Variants in DAB1 observed in about 807,000 individuals in gnomAD.
DAB1 encodes disabled homolog 1.
Under a neutral mutation model 64.6 loss-of-function variants are expected in DAB1, and 15 were observed. The ratio of observed to expected loss-of-function variants is 0.23; its 90% CI spans 0.16 to 0.36. The LOEUF (loss-of-function observed/expected upper bound fraction) is 0.36, where lower values mean the gene tolerates loss of function less well. DAB1 is among the 10% of genes least tolerant of loss of function. The pLI is 1.00. For missense variants in DAB1, 596 were observed against 706.7 expected, an observed-to-expected ratio of 0.84 and a Z score of 1.78; for synonymous variants, 235 against 251.9, an observed-to-expected ratio of 0.93 and a Z score of 0.64.
chr1:57,933,259 T>G (rs553866336), intron 5 of DAB1, among the ~76,000 whole-genome samples: 1 of 152,368 alleles, frequency 6.6e-6, no homozygotes, highest in South Asian at 2.1e-4. Context: ...TGCAATTCTC[T>G]GCATTTGCCT....
intron 3 of DAB1, among the ~76,000 whole-genome samples, chr1:58,382,248 T>C (rs1356625063): frequency 1.3e-5 from 2 of 152,118 alleles, no homozygotes; most frequent in Non-Finnish European, 2.9e-5. Flanking sequence ...GCTTGGTCTT[T>C]CCTACTGTAA....
intron 1 of DAB1, among the ~76,000 whole-genome samples, chr1:57,343,077 G>A (rs1465959077): frequency 3.3e-5 from 5 of 151,856 alleles, no homozygotes; most frequent in African/African-American, 1.2e-4. Context: ...AGAGTCCAGT[G>A]GTCTGTTTTG....
At chr1:58,349,679 A>G (rs1051538880) in intron 3 of DAB1, among the ~76,000 whole-genome samples, 5 of 151,536 alleles carry the variant, frequency 3.3e-5, no homozygotes, top group African/African-American at 9.7e-5. Flanking sequence ...TCATTGCTCA[A>G]CTCCCACTTA....
intron 7 of DAB1, among the ~76,000 whole-genome samples, chr1:57,577,110 T>C (rs1645259546): frequency 6.6e-6 from 1 of 152,222 alleles, no homozygotes; most frequent in Non-Finnish European, 1.5e-5. Context: ...GAGTCTGTAA[T>C]GCTCGGGAAA....
chr1:57,904,740 T>C (rs74492907), intron 5 of DAB1, among the ~76,000 whole-genome samples: 6,553 of 152,090 alleles, frequency 0.043, 494 homozygotes, highest in African/African-American at 0.15. Flanking sequence ...GAGCTTGAAA[T>C]GTCAAAGGAT....
Position 58,006,869 on chromosome 1 carries a change from C to T in DAB1, n.388-122707G>A, listed in dbSNP as rs571268372. Among the ~76,000 whole-genome samples, 10 of 152,336 alleles carry T rather than the reference C, an allele frequency of 6.6e-5. No individual in the cohort carries two copies. In the East Asian group the frequency reaches 1.5e-3, roughly 24 times the overall value. ...ATAGTTGCTCTTGTGCATTGTTATG[C>T]AAATGCTACACAAATTGGAGTCTTA... On this transcript the variant is annotated intron_variant and non_coding_transcript_variant, in intron 5 of 20. Coordinates refer to the DAB1 transcript ENST00000485760.
intron 4 of DAB1, among the ~76,000 whole-genome samples, chr1:58,152,723 T>A (rs983806904): frequency 6.6e-6 from 1 of 152,218 alleles, no homozygotes; most frequent in African/African-American, 2.4e-5. Flanking sequence ...GCAATGACCA[T>A]GAAAGAAAAT....
Position 58,219,025 on chromosome 1 carries a change from C to CTCTCTGTGTG in DAB1, n.310-68438_310-68437insCACACAGAGA, listed in dbSNP as rs376130413. Among the ~76,000 whole-genome samples, 377 of 129,538 alleles carry CTCTCTGTGTG rather than the reference C, an allele frequency of 2.9e-3. 2 individuals carry two copies. The highest frequency in any genetic ancestry group is 5.9e-3 in the African/African-American group (188 of 32,014). The allele number at this position is 129,538 out of a possible 152,430, so 85.0% of individuals were successfully genotyped here. A position where few individuals can be genotyped will look rare whatever the true frequency, so the allele number is the denominator to read the frequency against. ...TCTCTCTCTCTCTCTCTCTCTCTCT[C>CTCTCTGTGTG]TGTGTGTGTGTGTGTGTGTTTCAAT... On this transcript the variant is annotated intron_variant and non_coding_transcript_variant, in intron 4 of 20. Coordinates refer to the DAB1 transcript ENST00000485760.
chr1:57,744,204 G>C (rs1181567298), intron 6 of DAB1, among the ~76,000 whole-genome samples: 1 of 152,180 alleles, frequency 6.6e-6, no homozygotes, highest in Non-Finnish European at 1.5e-5. Context: ...GGCAACTTCG[G>C]AAGGCTGTTG....
intron 1 of DAB1, among the ~76,000 whole-genome samples, chr1:57,856,656 C>G (rs966052370): frequency 6.6e-6 from 1 of 151,834 alleles, no homozygotes; most frequent in Non-Finnish European, 1.5e-5. Context: ...CTCAGCTACA[C>G]GGGAGGCTGA....
intron 6 of DAB1, among the ~76,000 whole-genome samples, chr1:57,672,826 G>C (rs1248013572): frequency 1.3e-5 from 2 of 152,012 alleles, no homozygotes; most frequent in Non-Finnish European, 2.9e-5. Flanking sequence ...TAGATTCTGA[G>C]CTCCAAAAGA....
chr1:57,301,092 T>C (rs905861141), intron 1 of DAB1, among the ~76,000 whole-genome samples: 7 of 151,372 alleles, frequency 4.6e-5, no homozygotes, highest in Non-Finnish European at 7.4e-5. Context: ...TAAATGAATC[T>C]TCAAAAAAAA....
intron 5 of DAB1, among the ~76,000 whole-genome samples, chr1:58,013,866 T>C (rs2100436017): frequency 6.7e-6 from 1 of 148,676 alleles, no homozygotes; most frequent in African/African-American, 2.5e-5. Flanking sequence ...ACTTTTATCT[T>C]CCTTTATTTC....
rs1265856230 is a variant in DAB1 at position 58,281,249 on chromosome 1, C to G, written n.309+62103G>C. On this transcript the variant is annotated intron_variant and non_coding_transcript_variant, in intron 4 of 20. Transcript: ENST00000485760. Reference sequence around the variant, plus strand: ...TCTTTGCCTACTCAGCATCTATTACCTTGATTTTCCTGTGGGGAGCCCCCA... The same window carrying G: ...TCTTTGCCTACTCAGCATCTATTACGTTGATTTTCCTGTGGGGAGCCCCCA... Among the ~76,000 whole-genome samples the G allele has an allele frequency of 2.6e-5, 4 of 152,270 alleles. No homozygotes were observed. In the East Asian group the frequency reaches 7.7e-4, roughly 29 times the overall value.
intron 6 of DAB1, among the ~76,000 whole-genome samples, chr1:57,707,513 G>T (rs1297539682): frequency 6.6e-6 from 1 of 152,020 alleles, no homozygotes; most frequent in Non-Finnish European, 1.5e-5. Context: ...GTGAATCGAG[G>T]TTTTCATTTC....
intron 4 of DAB1, among the ~76,000 whole-genome samples, chr1:58,297,276 G>C (rs553634243): frequency 1.4e-4 from 21 of 152,302 alleles, no homozygotes; most frequent in African/African-American, 5.1e-4. Flanking sequence ...TAAAAGCTGA[G>C]ATGAGTATTT....
At chr1:57,160,339 G>A (rs1343976233) in intron 2 of DAB1, among the ~76,000 whole-genome samples, 1 of 152,078 alleles carries the variant, frequency 6.6e-6, no homozygotes, top group Non-Finnish European at 1.5e-5. Flanking sequence ...TTATAGTTGA[G>A]GAAATTGAGA....
intron 9 of DAB1, among the ~76,000 whole-genome samples, chr1:57,060,503 A>G (rs1650280815): frequency 6.6e-6 from 1 of 152,132 alleles, no homozygotes; most frequent in African/African-American, 2.4e-5. Flanking sequence ...TGGCTTTCAT[A>G]TACCAGGCCA....
intron 5 of DAB1, among the ~76,000 whole-genome samples, chr1:58,149,275 G>A (rs187101527): frequency 2.8e-3 from 421 of 152,222 alleles, no homozygotes; most frequent in Non-Finnish European, 3.4e-3. Context: ...AATAGGGATG[G>A]CCTCCAAGAA....
Sources: gnomAD v4.1 joint callset for allele counts (sites outside exome capture counted in the v4.1 genomes callset) on GRCh38, gnomAD v4.1.1 for gene constraint, MANE v1.5 for transcripts, NCBI Gene and HGNC (gene_info 2026-07-23, HGNC 2026-07-21) for gene names.